The following KIF19 variants were observed in gnomAD, a reference collection of about 807,000 sequenced individuals.
KIF19 encodes kinesin family member 19.
KIF19 carries 98 observed loss-of-function variants against 106.6 expected under a neutral mutation model. The ratio of observed to expected loss-of-function variants is 0.92; its 90% CI spans 0.78 to 1.09. KIF19 has a LOEUF of 1.09. Among genes scored for constraint, KIF19 ranks in the 50% least tolerant of loss-of-function variants. The pLI, the probability that KIF19 is intolerant of heterozygous loss-of-function variation, is 0.00. For synonymous variants in KIF19, 516 were observed against 584.2 expected (o/e 0.88, Z 1.68); for missense variants, 1,373 against 1,414.3 (o/e 0.97, Z 0.47).
chr17:74,345,026 GA>G, intron 7 of KIF19, 71 bp downstream of exon 7: 1 of 1,412,272 alleles, frequency 7.1e-7, no homozygotes, highest in East Asian at 2.5e-5. Flanking sequence ...CAGGAATGGT[GA>G]CTCCCATGCA....
At chr17:74,347,933 CT>C in intron 9 of KIF19, 34 bp downstream of exon 9, 4 of 1,557,746 alleles carry the variant, frequency 2.6e-6, no homozygotes, top group East Asian at 2.4e-5. Context: ...CAGGACACAC[CT>C]TCCTGGGCTG....
chr17:74,333,141 A>C (rs1220978136), intron 2 of KIF19, among the ~76,000 whole-genome samples: 1 of 152,178 alleles, frequency 6.6e-6, no homozygotes, highest in Non-Finnish European at 1.5e-5. Context: ...CTCCCTGCAC[A>C]CCGACCATCT....
intron 17 of KIF19, 131 bp from the exon 18 acceptor site, chr17:74,354,031 A>G (rs1054826578): frequency 9.7e-5 from 102 of 1,052,490 alleles, no homozygotes; most frequent in Middle Eastern, 6.3e-4. Flanking sequence ...AGTTTCTTAC[A>G]TAGCAAACCC....
chr17:74,355,272 C>T lies in KIF19; in HGVS notation c.2957C>T (p.Thr986Ile). 6.2e-7 allele frequency: 1 copy of T among 1,612,490 alleles called. No homozygotes were observed. Among genetic ancestry groups the T allele is most frequent in the Non-Finnish European group, 8.5e-7 (1 of 1,179,568 alleles). ...CGTGGGCCCCGCCTGCCCCACGGCA[C>T]AAGCACCCATGGCAAAGATGGATGC... ...ATRGPRLPHG[T>I]STHGKDGCSR... The change falls in exon 20 of 20, where the codon ACA becomes ATA. Residue 986 changes from threonine (T) to isoleucine (I), a missense_variant. Physicochemically the swap from Thr to Ile is moderately conservative, Grantham distance 89 (BLOSUM62 -1). Coordinates refer to ENST00000389916, the MANE Select transcript of KIF19 (RefSeq NM_153209.4).
In KIF19 at chr17:74,341,976, C is replaced by T; in HGVS notation, c.221C>T (p.Thr74Ile). Residue 74 changes from threonine (T) to isoleucine (I), a missense_variant, in exon 3 of 20, where the codon ACC (threonine) becomes ATC (isoleucine). By Grantham distance (89) the Thr-to-Ile change is moderately conservative. Coordinates refer to ENST00000389916, the MANE Select transcript of KIF19 (RefSeq NM_153209.4). ...CTGTTCGACGTGGCCTTTGACTTCA[C>T]CGCCACCCAGGTGAGGGAGGGCCTG... ...SYLFDVAFDF[T>I]ATQEMVYQAT... 1.2e-6 allele frequency: 2 copies of T among 1,612,780 alleles called. No individual in the cohort carries two copies. Among genetic ancestry groups the T allele is most frequent in the Non-Finnish European group, 1.7e-6 (2 of 1,179,432 alleles).
In KIF19 at chr17:74,354,243, GGCGACACCTGCTGGCACCC is replaced by G; in HGVS notation, c.2397_2415del (p.His799GlnfsTer11). ...CGCTCGCGGGCCCTGGGAACCGAGG[GGCGACACCTGCTGGCACCC>G]GCGACAGAGCGCAGCAGCCTGTCCC... is the stretch of plus-strand genomic sequence containing the variant. On this transcript the variant is annotated frameshift_variant, in exon 18 of 20. Coordinates refer to ENST00000389916, the MANE Select transcript of KIF19 (RefSeq NM_153209.4). LOFTEE classifies it high-confidence loss of function. 1.9e-6 allele frequency: 3 copies of G among 1,608,522 alleles called. No homozygotes were observed. The highest frequency in any genetic ancestry group is 2.5e-6 in the Non-Finnish European group (3 of 1,179,406).
At position 74,355,516 on chromosome 17, in the gene KIF19, A is replaced by G; in HGVS notation, c.*204A>G. On this transcript the variant is annotated 3_prime_UTR_variant, in exon 20 of 20. Transcript: ENST00000389916. Reference sequence around the variant, plus strand: ...GCCACTGGGGAAAAGAGGTGAGGCCAGGGGACATGGCCAGGACGGCTGGGC... The same window carrying G: ...GCCACTGGGGAAAAGAGGTGAGGCCGGGGGACATGGCCAGGACGGCTGGGC... 1.5e-6 allele frequency: 1 copy of G among 656,174 alleles called. No individual in the cohort carries two copies. Among genetic ancestry groups the G allele is most frequent in the East Asian group, 2.9e-5 (1 of 34,580 alleles). 40.6% of individuals were successfully genotyped at this position (656,174 alleles called of 1,614,324 possible).
intron 8 of KIF19, among the ~76,000 whole-genome samples, chr17:74,347,097 A>G (rs1399361094): frequency 1.3e-5 from 2 of 152,192 alleles, no homozygotes; most frequent in African/African-American, 4.8e-5. Flanking sequence ...GGCTCACACT[A>G]GTAAGTGCTG....
At chr17:74,335,857 G>C (rs1433865413) in intron 2 of KIF19, among the ~76,000 whole-genome samples, 1 of 152,252 alleles carries the variant, frequency 6.6e-6, no homozygotes, top group Non-Finnish European at 1.5e-5. Flanking sequence ...GGAGGAGCTG[G>C]CTGAAGCCCC....
chr17:74,352,405 G>C, intron 14 of KIF19, 65 bp downstream of exon 14: 10 of 1,533,768 alleles, frequency 6.5e-6, no homozygotes, highest in Non-Finnish European at 8.8e-6. Flanking sequence ...GATGACCAAG[G>C]CAATGCCTTC....
intron 1 of KIF19, among the ~76,000 whole-genome samples, chr17:74,326,930 T>C (rs1272905612): frequency 6.6e-6 from 1 of 152,138 alleles, no homozygotes; most frequent in Non-Finnish European, 1.5e-5. Flanking sequence ...AGAGAAGTGC[T>C]AGATGCAGCT....
Position 74,354,333 on chromosome 17 carries a change from T to C in KIF19, c.2480T>C (p.Leu827Pro). The C allele has an allele frequency of 6.2e-7, 1 of 1,607,522 alleles. No individual in the cohort carries two copies. Among genetic ancestry groups the C allele is most frequent in the Non-Finnish European group, 8.5e-7 (1 of 1,177,500 alleles). ...GACGATGCGCGGCCACCAGGCCCAC[T>C]GGCCTGCAAGCGGCCGCCCAGCCCC... is the stretch of plus-strand genomic sequence containing the variant. ...EGDDARPPGP[L>P]ACKRPPSPTL... The change falls in exon 18 of 20, where the codon CTG (leucine) becomes CCG (proline). Residue 827 changes from leucine to proline, a missense_variant. Transcript: ENST00000389916.
In KIF19 at chr17:74,353,514, G is replaced by A. The variant is rs745572968; in HGVS notation, c.2241G>A (p.Leu747=). 12 of 1,613,742 alleles carry A rather than the reference G, an allele frequency of 7.4e-6. No individual in the cohort carries two copies. In the East Asian group the frequency reaches 8.9e-5, roughly 12 times the overall value. ...VTQEAPAQDS[L]GSWINSSPDS... is the part of the protein sequence containing the mutation. ...CACAGGCCCCGGCTCAGGACAGCCTGGGCAGCTGGATCAACTCTTCCCCTG... is the reference window on the plus strand; with the variant it reads ...CACAGGCCCCGGCTCAGGACAGCCTAGGCAGCTGGATCAACTCTTCCCCTG... Residue 747 remains leucine, a synonymous_variant, in exon 17 of 20, where the codon CTG becomes CTA. Coordinates refer to ENST00000389916, the MANE Select transcript of KIF19 (RefSeq NM_153209.4).
chr17:74,349,860 A>G (rs2144282955), intron 10 of KIF19, among the ~76,000 whole-genome samples: 1 of 150,872 alleles, frequency 6.6e-6, no homozygotes, highest in East Asian at 1.9e-4. Flanking sequence ...GTGCAGTGGC[A>G]TGATCTAGGC....
chr17:74,352,411 C>G (rs968519742), intron 14 of KIF19, 71 bp downstream of exon 14: 24 of 1,516,380 alleles, frequency 1.6e-5, no homozygotes, highest in Non-Finnish European at 1.9e-5. Flanking sequence ...CAAGGCAATG[C>G]CTTCAGGCAG....
chr17:74,348,254 G>T (rs2054594664), intron 9 of KIF19, among the ~76,000 whole-genome samples: 1 of 152,220 alleles, frequency 6.6e-6, no homozygotes, highest in Non-Finnish European at 1.5e-5. Context: ...TTGAGCACTT[G>T]CTCTGAGCTG....
chr17:74,340,011 A>G (rs2144237240), intron 2 of KIF19, among the ~76,000 whole-genome samples: 1 of 152,266 alleles, frequency 6.6e-6, no homozygotes, highest in South Asian at 2.1e-4. Flanking sequence ...CGTTGAACAA[A>G]GACTGTTGAG....
chr17:74,340,936 A>G (rs1425166047), intron 2 of KIF19, among the ~76,000 whole-genome samples: 1 of 150,704 alleles, frequency 6.6e-6, no homozygotes, highest in Non-Finnish European at 1.5e-5. Flanking sequence ...CCCCTTGCTG[A>G]TGTGTGACGA....
intron 2 of KIF19, 40 bp from the exon 3 acceptor site, chr17:74,341,836 T>C: frequency 1.4e-6 from 2 of 1,448,784 alleles, no homozygotes; most frequent in Non-Finnish European, 1.9e-6. Context: ...GGGCCCGGGG[T>C]TCCCAGGTGA....
Sources: gnomAD v4.1 joint callset for allele counts (sites outside exome capture counted in the v4.1 genomes callset) on GRCh38, gnomAD v4.1.1 for gene constraint, MANE v1.5 for transcripts, NCBI Gene and HGNC (gene_info 2026-07-23, HGNC 2026-07-21) for gene names.